TUBGCP5: variants seen among roughly 807,000 people sequenced by gnomAD.
TUBGCP5 encodes tubulin gamma complex component 5.
In TUBGCP5, 98 loss-of-function variants were observed where a neutral mutation model predicts 134.7. That is an observed-to-expected ratio of 0.73 (90% CI 0.62 to 0.86). The LOEUF is 0.86. Ranked by LOEUF, TUBGCP5 falls within the 40% of genes least tolerant of loss-of-function variation. The pLI is 0.00. For synonymous variants in TUBGCP5, 456 were observed against 431.4 expected (o/e 1.06, Z -0.71); for missense variants, 1,150 against 1,244.8 (o/e 0.92, Z 1.15).
In TUBGCP5 at chr15:23,039,410, C is replaced by G. The variant is rs755715700; in HGVS notation, c.134G>C (p.Trp45Ser). The G allele has an allele frequency of 1.3e-5, 19 of 1,507,896 alleles. No individual in the cohort carries two copies. The highest frequency in any genetic ancestry group is 1.7e-5 in the Non-Finnish European group (19 of 1,120,670). 93.4% of individuals were successfully genotyped at this position (1,507,896 alleles called of 1,614,324 possible). ...CCGTGCCCCACACCTGAAGTTGGAC[C>G]AGGCGAAGTTTAGGGCGAGCTGGAA... ...PNFQLALNFA[W>S]SNFRFHRFLD... is the part of the protein sequence containing the mutation. The change falls in exon 1 of 23, where the codon TGG becomes TCG. Residue 45 changes from tryptophan to serine, a missense_variant. Physicochemically the swap from Trp to Ser is radical, Grantham distance 177. Coordinates refer to ENST00000615383, the MANE Select transcript of TUBGCP5 (RefSeq NM_052903.6).
intron 13 of TUBGCP5, among the ~76,000 whole-genome samples, chr15:23,017,523 G>A (rs1358673204): frequency 2.6e-5 from 4 of 152,144 alleles, no homozygotes; most frequent in African/African-American, 9.7e-5. Context: ...GGAATCCAGA[G>A]TGAGGAAAAT....
chr15:23,019,068 T>G, intron 12 of TUBGCP5, 151 bp downstream of exon 12: 3 of 522,342 alleles, frequency 5.7e-6, no homozygotes, highest in Non-Finnish European at 6.7e-6. Flanking sequence ...TCCGTAAAAA[T>G]GAGATAGAAC....
intron 21 of TUBGCP5, among the ~76,000 whole-genome samples, chr15:23,001,568 C>G (rs1267679618): frequency 6.6e-6 from 1 of 152,000 alleles, no homozygotes; most frequent in Non-Finnish European, 1.5e-5. Context: ...GTCTCGAACT[C>G]CTGACCTCAG....
At chr15:23,028,595 TAAAGAC>T in intron 6 of TUBGCP5, among the ~76,000 whole-genome samples, 1 of 152,024 alleles carries the variant, frequency 6.6e-6, no homozygotes, top group Admixed American at 6.6e-5. Context: ...TATTCATAAT[TAAAGAC>T]TTCTAGAAAA....
intron 22 of TUBGCP5, 114 bp downstream of exon 22, chr15:23,000,455 T>C: frequency 2.0e-6 from 3 of 1,501,044 alleles, no homozygotes; most frequent in Non-Finnish European, 2.7e-6. Context: ...ACTTTTCAGT[T>C]TTGAAAATGG....
rs1273124347 is a variant in TUBGCP5, at chr15:23,010,220, C to A, written c.1956-87G>T. 4 of 1,405,556 alleles carry A rather than the reference C, an allele frequency of 2.8e-6. No individual in the cohort carries two copies. The African/African-American group carries it at 5.7e-5, about 20-fold the overall frequency. The allele number at this position is 1,405,556 out of a possible 1,614,324, so 87.1% of individuals were successfully genotyped here. A position where few individuals can be genotyped will look rare whatever the true frequency, so the allele number is the denominator to read the frequency against. ...CAAAACCCTGAAGTTCCATTTTTAC[C>A]TTTAGTCTTGAAGTTACCAACTATT... On this transcript the variant is annotated intron_variant, in intron 14 of 22. Coordinates refer to ENST00000615383, the MANE Select transcript of TUBGCP5 (RefSeq NM_052903.6).
intron 6 of TUBGCP5, among the ~76,000 whole-genome samples, chr15:23,029,182 C>T (rs749631259): frequency 2.0e-5 from 3 of 152,110 alleles, no homozygotes; most frequent in Admixed American, 6.5e-5. Context: ...TCTATAAATT[C>T]TCTGCAATCC....
chr15:23,039,332 T>A, intron 1 of TUBGCP5, 66 bp downstream of exon 1: 2 of 1,252,410 alleles, frequency 1.6e-6, no homozygotes, highest in Non-Finnish European at 2.0e-6. Flanking sequence ...GACCCCGGGC[T>A]GTGCGGGACC....
chr15:23,012,916 C>G (rs1384180585), intron 13 of TUBGCP5, among the ~76,000 whole-genome samples: 1 of 152,018 alleles, frequency 6.6e-6, no homozygotes, highest in Non-Finnish European at 1.5e-5. Flanking sequence ...GCTTGGCCAA[C>G]ATGGTGAAAC....
chr15:23,002,495 G>T, intron 21 of TUBGCP5, among the ~76,000 whole-genome samples: 1 of 152,312 alleles, frequency 6.6e-6, no homozygotes, highest in South Asian at 2.1e-4. Flanking sequence ...CTGCTCCCGG[G>T]CCACTTCCCC....
chr15:23,006,010 A>G, intron 18 of TUBGCP5, 42 bp downstream of exon 18: 1 of 1,557,872 alleles, frequency 6.4e-7, no homozygotes, highest in South Asian at 1.2e-5. Context: ...AAGGGCTAAA[A>G]TTAAATAAAA....
Position 23,039,512 on chromosome 15 carries a change from A to C in TUBGCP5, c.32T>G (p.Leu11Trp). The change falls in exon 1 of 23, where the codon TTG (leucine) becomes TGG (tryptophan). Residue 11 changes from leucine (L) to tryptophan (W), a missense_variant. Physicochemically the swap from Leu to Trp is moderately conservative, Grantham distance 61. Coordinates refer to ENST00000615383, the MANE Select transcript of TUBGCP5 (RefSeq NM_052903.6). Reference sequence around the variant, plus strand: ...CACGTCGCGCTCCTGCTGCGCGTCCAACCGACTCCACGGTGGCCCGTGCCG... The same window carrying C: ...CACGTCGCGCTCCTGCTGCGCGTCCCACCGACTCCACGGTGGCCCGTGCCG... MARHGPPWSR[L>W]DAQQERDVRE... is the part of the protein sequence containing the mutation. 2 of 1,503,020 alleles carry C rather than the reference A, an allele frequency of 1.3e-6. No homozygotes were observed. Among genetic ancestry groups the C allele is most frequent in the Non-Finnish European group, 1.8e-6 (2 of 1,117,638 alleles). The allele number at this position is 1,503,020 out of a possible 1,614,324, so 93.1% of individuals were successfully genotyped here. A position where few individuals can be genotyped will look rare whatever the true frequency, so the allele number is the denominator to read the frequency against.
chr15:23,004,463 T>G (rs1393862356), intron 19 of TUBGCP5: 1 of 468,358 alleles, frequency 2.1e-6, no homozygotes, highest in Non-Finnish European at 3.7e-6. Context: ...AGTGAATGAA[T>G]GAACGCCAAA....
chr15:23,017,996 A>C lies in TUBGCP5; in HGVS notation c.1533T>G (p.Thr511=), dbSNP rs2065438383. 6.2e-7 allele frequency: 1 copy of C among 1,614,044 alleles called. No individual in the cohort carries two copies. The change falls in exon 13 of 23, where the codon ACT becomes ACG. Residue 511 remains threonine (T), a synonymous_variant. Coordinates refer to ENST00000615383, the MANE Select transcript of TUBGCP5 (RefSeq NM_052903.6). ...TTTCTGATACGCTATATAACGTGTA[A>C]GTTGCATACCAGAAGTCTCTGTGAT... The part of the protein sequence containing the change: ...PVNHRDFWYA[T]YTLYSVSEKT...
At chr15:22,987,895 CAA>C (rs869168765) in intron 23 of TUBGCP5, among the ~76,000 whole-genome samples, 29 of 20,482 alleles carry the variant, frequency 1.4e-3, no homozygotes, top group African/African-American at 5.0e-3. Flanking sequence ...GACTCCATCT[CAA>C]AAAAAAAAAA....
rs549375577 is a variant in TUBGCP5, at chr15:23,033,014, T to G, written c.310-190A>C. Among the ~76,000 whole-genome samples, 210 of 152,280 alleles carry G rather than the reference T, an allele frequency of 1.4e-3. 1 individual carries two copies. The highest frequency in any genetic ancestry group is 4.4e-3 in the African/African-American group (184 of 41,558). On this transcript the variant is annotated intron_variant, in intron 3 of 22. Transcript: ENST00000615383. ...CTCAAATGCATACACATAAGGAACC[T>G]CAAAGCCATCTGAAATCTGAGTTCT...
In TUBGCP5 at chr15:23,032,157, C is replaced by T. The variant is rs2066346632; in HGVS notation, c.407-128G>A. 8.2e-6 allele frequency: 5 copies of T among 609,936 alleles called. No individual in the cohort carries two copies. In the South Asian group the frequency reaches 1.0e-4, roughly 12 times the overall value. 37.8% of individuals were successfully genotyped at this position (609,936 alleles called of 1,614,324 possible). ...AAATAAAAATTTAAAAATATTGAAACATTTAATAAATTGATATCCTAAAAC... is the reference window on the plus strand; with the variant it reads ...AAATAAAAATTTAAAAATATTGAAATATTTAATAAATTGATATCCTAAAAC... On this transcript the variant is annotated intron_variant, in intron 4 of 22. Coordinates refer to ENST00000615383, the MANE Select transcript of TUBGCP5 (RefSeq NM_052903.6).
At chr15:23,015,692 TGCCA>T (rs1334145840) in intron 13 of TUBGCP5, among the ~76,000 whole-genome samples, 2 of 152,276 alleles carry the variant, frequency 1.3e-5, no homozygotes, top group East Asian at 3.9e-4. Context: ...CAGCCAACTG[TGCCA>T]CTGTTGCCAC....
intron 12 of TUBGCP5, 60 bp from the exon 13 acceptor site, chr15:23,018,101 G>A: frequency 5.4e-6 from 8 of 1,475,118 alleles, no homozygotes; most frequent in Non-Finnish European, 7.3e-6. Flanking sequence ...CAGCATACTT[G>A]TTCTAGTTTG....
Sources: gnomAD v4.1 joint callset for allele counts (sites outside exome capture counted in the v4.1 genomes callset) on GRCh38, gnomAD v4.1.1 for gene constraint, MANE v1.5 for transcripts, NCBI Gene and HGNC (gene_info 2026-07-23, HGNC 2026-07-21) for gene names.